Variants in RPH3A observed in about 807,000 individuals in gnomAD.
The protein encoded by RPH3A is rabphilin-3A.
A neutral mutation model predicts 102.2 loss-of-function variants in RPH3A; 48 were observed. That is an observed-to-expected ratio of 0.47 (90% CI 0.37 to 0.60). The LOEUF (loss-of-function observed/expected upper bound fraction) is 0.60. Ranked by LOEUF, RPH3A falls within the 20% of genes least tolerant of loss-of-function variation. The probability of loss-of-function intolerance (pLI) is 0.00; values close to 1 mark genes in which losing one functional copy is unlikely to be tolerated. For synonymous variants in RPH3A, 310 were observed against 324.3 expected, an observed-to-expected ratio of 0.96 and a Z score of 0.47; for missense variants, 781 against 910.1, an observed-to-expected ratio of 0.86 and a Z score of 1.83.
At chr12:112,618,965 T>G (rs1018808444) in intron 1 of RPH3A, among the ~76,000 whole-genome samples, 4 of 152,250 alleles carry the variant, frequency 2.6e-5, no homozygotes, top group African/African-American at 9.6e-5. Flanking sequence ...TTTGTCCTTT[T>G]GCGACTGGCG....
At chr12:112,881,750 C>G (rs750343907) in intron 14 of RPH3A, 22 bp from the exon 15 acceptor site, 4 of 1,591,620 alleles carry the variant, frequency 2.5e-6, no homozygotes, top group Middle Eastern at 1.7e-4. Context: ...GGCCCTCACA[C>G]CATTGCCTCC....
At chr12:112,788,411 C>A (rs541591990), upstream of RPH3A, among the ~76,000 whole-genome samples, 11 of 152,238 alleles carry the variant, frequency 7.2e-5, no homozygotes, top group Admixed American at 7.2e-4. Context: ...CTCTAGGGGG[C>A]CTGGTTTAGG....
chr12:112,857,059 G>T (rs1026259273), intron 5 of RPH3A, among the ~76,000 whole-genome samples: 2 of 152,166 alleles, frequency 1.3e-5, no homozygotes, highest in Admixed American at 6.5e-5. Flanking sequence ...GTGTGTGTGT[G>T]TGTCTGTGTC....
intron 1 of RPH3A, among the ~76,000 whole-genome samples, chr12:112,584,352 T>C (rs1425945803): frequency 2.6e-5 from 4 of 152,186 alleles, no homozygotes; most frequent in Non-Finnish European, 5.9e-5. Context: ...GGCAACATCA[T>C]GCCTCTCACT....
chr12:112,621,050 C>T (rs2039719229), intron 1 of RPH3A, among the ~76,000 whole-genome samples: 1 of 150,890 alleles, frequency 6.6e-6, no homozygotes, highest in Non-Finnish European at 1.5e-5. Context: ...GCTATGTTAC[C>T]TAGGCTGGTC....
In RPH3A at chr12:112,877,216, A is replaced by T. The variant is rs113753932; in HGVS notation, c.1171+350A>T. Among the ~76,000 whole-genome samples, 1,197 of 152,236 alleles carry T rather than the reference A, an allele frequency of 7.9e-3. 17 individuals carry two copies. The highest frequency in any genetic ancestry group is 0.027 in the African/African-American group (1,128 of 41,510). ...AGGTTAAACATAGAATTATTATATG[A>T]CTCAGCAATTTCGCTCCTAGGTGTG... On this transcript the variant is annotated intron_variant, in intron 13 of 21. Coordinates refer to ENST00000389385, the MANE Select transcript of RPH3A (RefSeq NM_001143854.2).
chr12:112,794,866 G>A (rs1159164405), intron 2 of RPH3A, among the ~76,000 whole-genome samples: 1 of 152,224 alleles, frequency 6.6e-6, no homozygotes, highest in African/African-American at 2.4e-5. Flanking sequence ...TCCAGCCTGA[G>A]GTACAGAGGA....
chr12:112,709,802 G>A (rs780621570), intron 1 of RPH3A, among the ~76,000 whole-genome samples: 1 of 152,084 alleles, frequency 6.6e-6, no homozygotes, highest in Non-Finnish European at 1.5e-5. Context: ...CAAGCATGAA[G>A]GTTCATTTAA....
chr12:112,809,319 C>T (rs2041527413), intron 2 of RPH3A, among the ~76,000 whole-genome samples: 2 of 152,070 alleles, frequency 1.3e-5, no homozygotes, highest in African/African-American at 4.8e-5. Flanking sequence ...CTTCTGGTGG[C>T]CTGTTCTGCC....
intron 1 of RPH3A, among the ~76,000 whole-genome samples, chr12:112,699,584 A>T (rs1274635574): frequency 6.6e-6 from 1 of 152,214 alleles, no homozygotes; most frequent in Non-Finnish European, 1.5e-5. Flanking sequence ...ACCAACCTAT[A>T]GTGACAGAAA....
chr12:112,734,359 T>A (rs1001965133), intron 1 of RPH3A, among the ~76,000 whole-genome samples: 7 of 152,240 alleles, frequency 4.6e-5, no homozygotes, highest in Non-Finnish European at 1.0e-4. Flanking sequence ...GAATACACTC[T>A]ATGATGTTCA....
chr12:112,788,100 G>C, upstream of RPH3A, among the ~76,000 whole-genome samples: 1 of 152,194 alleles, frequency 6.6e-6, no homozygotes, highest in East Asian at 1.9e-4. Flanking sequence ...TTGAACAAAG[G>C]GTTCTCCAGA....
chr12:112,657,704 A>G (rs904231773), intron 1 of RPH3A, among the ~76,000 whole-genome samples: 3 of 152,198 alleles, frequency 2.0e-5, no homozygotes, highest in Non-Finnish European at 4.4e-5. Flanking sequence ...TATGATAATT[A>G]TGAACAGTCC....
At position 112,641,955 on chromosome 12, in the gene RPH3A, T is replaced by C. The variant is rs189053450; in HGVS notation, c.-140+66636T>C. ...GGTTATATTATTTCTATTTTTCAGG[T>C]GAGGCACAGAGAGGTTAAGTGACTT... is the stretch of plus-strand genomic sequence containing the variant. On this transcript the variant is annotated intron_variant, in intron 1 of 21. Transcript: ENST00000543106. Among the ~76,000 whole-genome samples the C allele has an allele frequency of 1.8e-4, 28 of 152,250 alleles. No homozygotes were observed. In the East Asian group the frequency reaches 5.2e-3, roughly 28 times the overall value.
chr12:112,852,561 A>G (rs2042340319), intron 5 of RPH3A, among the ~76,000 whole-genome samples: 1 of 152,150 alleles, frequency 6.6e-6, no homozygotes. Flanking sequence ...CAGTTTTTAT[A>G]GCTCTTCTTA....
chr12:112,852,536 C>T (rs1231540343), intron 5 of RPH3A, among the ~76,000 whole-genome samples: 2 of 152,188 alleles, frequency 1.3e-5, no homozygotes, highest in Non-Finnish European at 2.9e-5. Context: ...TATAGCCACG[C>T]TAGCTAGAGT....
intron 1 of RPH3A, among the ~76,000 whole-genome samples, chr12:112,780,262 A>G (rs533230321): frequency 2.4e-4 from 37 of 152,192 alleles, no homozygotes; most frequent in African/African-American, 8.7e-4. Flanking sequence ...GTATTGCATT[A>G]TGGTTAGGTT....
At chr12:112,726,169 C>T (rs2040589633) in intron 1 of RPH3A, among the ~76,000 whole-genome samples, 2 of 152,070 alleles carry the variant, frequency 1.3e-5, no homozygotes, top group South Asian at 4.2e-4. Flanking sequence ...GGCTGAAATG[C>T]AGTGGCACAG....
intron 1 of RPH3A, among the ~76,000 whole-genome samples, chr12:112,640,445 T>A: frequency 6.9e-6 from 1 of 145,050 alleles, no homozygotes; most frequent in East Asian, 2.3e-4. Context: ...TTATTAATGA[T>A]CCCTCCTTTC....
Sources: allele counts gnomAD v4.1 joint callset (sites outside exome capture counted in the v4.1 genomes callset), GRCh38; gene constraint gnomAD v4.1.1; transcripts MANE v1.5; gene names NCBI Gene and HGNC (gene_info 2026-07-23, HGNC 2026-07-21).